KMT2C: variants seen among roughly 807,000 people sequenced by gnomAD.
KMT2C encodes the protein histone-lysine N-methyltransferase 2C.
A neutral mutation model predicts 507.9 loss-of-function variants in KMT2C; 88 were observed. That is an observed-to-expected ratio of 0.17 (90% CI 0.15 to 0.21). The LOEUF (loss-of-function observed/expected upper bound fraction) is 0.21, where lower values mean the gene tolerates loss of function less well. Among genes scored for constraint, KMT2C ranks in the 10% least tolerant of loss-of-function variants. The pLI is 1.00. For missense variants in KMT2C, 4,954 were observed against 5,957.8 expected (o/e 0.83, Z 5.55); for synonymous variants, 2,049 against 2,080.8 (o/e 0.98, Z 0.42).
rs767212306 is a variant in KMT2C, at chr7:152,176,201, G to C, written c.9252C>G (p.Phe3084Leu). 3 of 1,599,606 alleles carry C rather than the reference G, an allele frequency of 1.9e-6. No homozygotes were observed. Among genetic ancestry groups the C allele is most frequent in the Non-Finnish European group, 2.6e-6 (3 of 1,172,754 alleles). ...CAAGAAAACTCCTACCAATATTAGG[G>C]AAGAACGGTTCTGATCGCTGACGAA... ...AMIRQRSEPF[F>L]PNIDFDAITD... Residue 3084 changes from phenylalanine (F) to leucine (L), a missense_variant, in exon 38 of 59, where the codon TTC becomes TTG. Physicochemically the swap from Phe to Leu is conservative, Grantham distance 22. This residue lies in a region of KMT2C where 1,689 missense variants were observed against 1,654.3 expected (regional missense o/e 1.02). Transcript: ENST00000262189.
intron 3 of KMT2C, among the ~76,000 whole-genome samples, chr7:152,325,441 C>T (rs1422128543): frequency 6.6e-6 from 1 of 151,250 alleles, no homozygotes. Context: ...AGCCACCGCA[C>T]CCGGCCCCTT....
At chr7:152,295,415 C>T (rs780223295) in intron 6 of KMT2C, among the ~76,000 whole-genome samples, 1 of 152,148 alleles carries the variant, frequency 6.6e-6, no homozygotes, top group African/African-American at 2.4e-5. Flanking sequence ...TACGTATGTG[C>T]CATTTTTCCA....
intron 31 of KMT2C, among the ~76,000 whole-genome samples, chr7:152,193,049 C>T (rs10237419): frequency 0.14 from 21,416 of 152,048 alleles, 3,792 homozygotes; most frequent in African/African-American, 0.41. Flanking sequence ...ATGGCGTGTG[C>T]CTGTGGTCGC....
rs754389616 is a variant in KMT2C at position 152,163,038 on chromosome 7, A to T, written c.10539T>A (p.Pro3513=). 2 of 1,614,112 alleles carry T rather than the reference A, an allele frequency of 1.2e-6. No homozygotes were observed. Among genetic ancestry groups the T allele is most frequent in the African/African-American group, 1.3e-5 (1 of 74,952 alleles). The change falls in exon 43 of 59, where the codon CCT becomes CCA. Residue 3513 remains proline (P), a synonymous_variant. Coordinates refer to ENST00000262189, the MANE Select transcript of KMT2C (RefSeq NM_170606.3). The part of the protein sequence containing the change: ...QTNERRQVGP[P]SFVPDSPSIP... ...TTGATGGTGAATCAGGAACAAATGA[A>T]GGAGGGCCTACCTGCCTTCGCTCAT...
chr7:152,172,873 T>C (rs1410015391), intron 39 of KMT2C, among the ~76,000 whole-genome samples: 1 of 152,202 alleles, frequency 6.6e-6, no homozygotes, highest in Non-Finnish European at 1.5e-5. Context: ...TTTCAAATTA[T>C]GGTTTATTGC....
intron 15 of KMT2C, among the ~76,000 whole-genome samples, chr7:152,236,699 CT>C (rs1221186837): frequency 6.6e-6 from 1 of 152,122 alleles, no homozygotes; most frequent in Admixed American, 6.5e-5. Context: ...ATTGTTATTA[CT>C]TTTATTTTTG....
chr7:152,367,184 CAG>C (rs2097254265), intron 1 of KMT2C: 3 of 1,488,686 alleles, frequency 2.0e-6, no homozygotes, highest in Non-Finnish European at 2.8e-6. Flanking sequence ...GTCTCCCACT[CAG>C]AGCTGAGGAA....
chr7:152,355,594 T>A (rs191736129), intron 2 of KMT2C, among the ~76,000 whole-genome samples: 1 of 151,326 alleles, frequency 6.6e-6, no homozygotes, highest in East Asian at 1.9e-4. Context: ...GACAATGCAG[T>A]GACCTGAAAG....
At position 152,162,273 on chromosome 7, in the gene KMT2C, G is replaced by T; in HGVS notation, c.11304C>A (p.Ala3768=). 1 of 1,614,066 alleles carries T rather than the reference G, an allele frequency of 6.2e-7. No individual in the cohort carries two copies. The highest frequency in any genetic ancestry group is 8.5e-7 in the Non-Finnish European group (1 of 1,179,954). Reference sequence around the variant, plus strand: ...GAAGTTCATTCCCTGAGTCTCCTTTGGCAGCAGGGGCCCCAGCAGAATGGG... The same window carrying T: ...GAAGTTCATTCCCTGAGTCTCCTTTTGCAGCAGGGGCCCCAGCAGAATGGG... ...SPPHSAGAPA[A]KGDSGNELLK... Residue 3768 remains alanine (A), a synonymous_variant, in exon 43 of 59, where the codon GCC becomes GCA. Transcript: ENST00000262189.
At chr7:152,143,821 C>T (rs2090842131) in intron 55 of KMT2C, among the ~76,000 whole-genome samples, 1 of 152,174 alleles carries the variant, frequency 6.6e-6, no homozygotes, top group Non-Finnish European at 1.5e-5. Flanking sequence ...GAACAAGAAT[C>T]TGAATGAGTA....
At chr7:152,286,933 A>G (rs1474621976) in intron 6 of KMT2C, among the ~76,000 whole-genome samples, 2 of 152,218 alleles carry the variant, frequency 1.3e-5, no homozygotes, top group African/African-American at 4.8e-5. Context: ...CAAAAAACTC[A>G]TAGACAACAA....
At chr7:152,394,747 G>A (rs1289595966) in intron 1 of KMT2C, among the ~76,000 whole-genome samples, 1 of 152,142 alleles carries the variant, frequency 6.6e-6, no homozygotes, top group Non-Finnish European at 1.5e-5. Flanking sequence ...GCTCACTGCT[G>A]TATTTCCCGT....
At chr7:152,405,261 C>CT (rs5888467) in intron 1 of KMT2C, among the ~76,000 whole-genome samples, 10 of 151,964 alleles carry the variant, frequency 6.6e-5, no homozygotes, top group African/African-American at 1.7e-4. Context: ...TTTAACTTCA[C>CT]TTTTTTTTTT....
At chr7:152,417,951 TA>T (rs748980838) in intron 1 of KMT2C, among the ~76,000 whole-genome samples, 3,155 of 110,940 alleles carry the variant, frequency 0.028, 44 homozygotes, top group Non-Finnish European at 0.036. Context: ...CTCTTTCTTT[TA>T]AAAAAAAAAA....
chr7:152,358,010 A>G (rs78874895), intron 2 of KMT2C, among the ~76,000 whole-genome samples: 2 of 152,318 alleles, frequency 1.3e-5, no homozygotes, highest in East Asian at 3.9e-4. Context: ...CTCTCAATAC[A>G]ATATGAATCC....
chr7:152,252,885 C>A (rs548107462), intron 9 of KMT2C, among the ~76,000 whole-genome samples, 170 bp from the exon 10 acceptor site: 2 of 151,324 alleles, frequency 1.3e-5, no homozygotes, highest in Non-Finnish European at 2.9e-5. Flanking sequence ...TGGACTCTTA[C>A]TCTGTTGCCC....
At chr7:152,249,481 C>T (rs75309572) in intron 13 of KMT2C, among the ~76,000 whole-genome samples, 4 of 151,374 alleles carry the variant, frequency 2.6e-5, no homozygotes, top group Admixed American at 6.6e-5. Context: ...GTGTCACCAT[C>T]CCCAGATACT....
intron 44 of KMT2C, chr7:152,158,029 A>T (rs2092187426): frequency 1.4e-6 from 1 of 712,588 alleles, no homozygotes; most frequent in Non-Finnish European, 2.0e-6. Flanking sequence ...GCTTCAGAAA[A>T]ATGAGACTTA....
At chr7:152,435,210 T>A (rs1489277290) in intron 1 of KMT2C, among the ~76,000 whole-genome samples, 1 of 151,470 alleles carries the variant, frequency 6.6e-6, no homozygotes, top group Admixed American at 6.6e-5. Flanking sequence ...CTCCGAGAGT[T>A]TCCCGAGCGC....
Sources: gnomAD v4.1 joint callset for allele counts (sites outside exome capture counted in the v4.1 genomes callset) on GRCh38, gnomAD v4.1.1 for gene constraint, gnomAD v4.1.1 regional missense constraint, MANE v1.5 for transcripts, NCBI Gene and HGNC (gene_info 2026-07-23, HGNC 2026-07-21) for gene names.